Variants in PINX1 observed in about 807,000 individuals in gnomAD.
The protein encoded by PINX1 is PIN2 (TERF1) interacting telomerase inhibitor 1, also known as PIN2/TERF1-interacting telomerase inhibitor 1.
In PINX1, 34 loss-of-function variants were observed where a neutral mutation model predicts 25.4. That is an observed-to-expected ratio of 1.34 (90% CI 1.02 to 1.78). The LOEUF is 1.78. PINX1 is among the 40% of genes most tolerant of loss of function. PINX1 has a pLI of 0.00. For missense variants in PINX1, 592 were observed against 404.9 expected (o/e 1.46, Z -3.97); for synonymous variants, 197 against 147.7 (o/e 1.33, Z -2.42).
At chr8:10,766,810 A>G (rs1288309234) in intron 6 of PINX1, among the ~76,000 whole-genome samples, 1 of 152,242 alleles carries the variant, frequency 6.6e-6, no homozygotes, top group Non-Finnish European at 1.5e-5. Context: ...TTTGCTGTAA[A>G]GCTTGAGAAG....
chr8:10,835,600 G>A (rs747042052), intron 1 of PINX1, among the ~76,000 whole-genome samples: 1 of 152,026 alleles, frequency 6.6e-6, no homozygotes, highest in Non-Finnish European at 1.5e-5. Context: ...ACTGTATTAG[G>A]GCTATTTATA....
At chr8:10,830,214 T>C (rs1798186387) in intron 4 of PINX1, among the ~76,000 whole-genome samples, 1 of 152,224 alleles carries the variant, frequency 6.6e-6, no homozygotes, top group Non-Finnish European at 1.5e-5. Context: ...TATTTCAAAA[T>C]CATGATCCTA....
intron 4 of PINX1, among the ~76,000 whole-genome samples, chr8:10,827,167 G>A (rs1798078739): frequency 6.6e-6 from 1 of 152,174 alleles, no homozygotes; most frequent in Non-Finnish European, 1.5e-5. Flanking sequence ...CTACAAGCCT[G>A]TAATTATTTC....
At chr8:10,824,363 C>T (rs1445521422) in intron 5 of PINX1, among the ~76,000 whole-genome samples, 1 of 152,184 alleles carries the variant, frequency 6.6e-6, no homozygotes, top group Non-Finnish European at 1.5e-5. Context: ...TGGACTTTTG[C>T]TTCCTTCTCC....
intron 1 of PINX1, 62 bp from the exon 2 acceptor site, chr8:10,834,837 C>T: frequency 2.7e-6 from 3 of 1,098,598 alleles, no homozygotes; most frequent in East Asian, 2.4e-5. Context: ...ACCACACAAA[C>T]ATACACATGC....
intron 6 of PINX1, among the ~76,000 whole-genome samples, chr8:10,808,154 A>T (rs1802514884): frequency 6.6e-6 from 1 of 152,256 alleles, no homozygotes; most frequent in African/African-American, 2.4e-5. Context: ...TAAACCCCAA[A>T]TAACAAATTC....
intron 5 of PINX1, among the ~76,000 whole-genome samples, chr8:10,823,803 G>C (rs1797949903): frequency 6.6e-6 from 1 of 152,122 alleles, no homozygotes; most frequent in South Asian, 2.1e-4. Context: ...GCTCCAGCCT[G>C]GGCAACAGAG....
intron 4 of PINX1, among the ~76,000 whole-genome samples, chr8:10,827,650 T>C (rs1198654134): frequency 1.3e-5 from 2 of 151,804 alleles, no homozygotes; most frequent in Non-Finnish European, 2.9e-5. Flanking sequence ...CTCATGCCTG[T>C]AATCCCAGCA....
intron 6 of PINX1, among the ~76,000 whole-genome samples, chr8:10,796,651 A>G (rs10113332): frequency 0.23 from 34,676 of 151,762 alleles, 4,130 homozygotes; most frequent in East Asian, 0.35. Flanking sequence ...ATAAGAATCC[A>G]TTACTCTGCC....
chr8:10,820,984 C>A (rs895670983), intron 5 of PINX1, among the ~76,000 whole-genome samples: 2 of 152,236 alleles, frequency 1.3e-5, no homozygotes, highest in African/African-American at 4.8e-5. Flanking sequence ...CCCAAACCAA[C>A]TAATTTAAAA....
At chr8:10,766,909 G>A (rs1218865400) in intron 6 of PINX1, among the ~76,000 whole-genome samples, 1 of 152,204 alleles carries the variant, frequency 6.6e-6, no homozygotes. Context: ...AAGGTGAGGA[G>A]GAGTGCCTGT....
At position 10,765,429 on chromosome 8, in the gene PINX1, T is replaced by A. The variant is rs781253794; in HGVS notation, c.959A>T (p.Lys320Ile). Residue 320 changes from lysine to isoleucine, a missense_variant, in exon 7 of 7, where the codon AAA (lysine) becomes ATA (isoleucine). Physicochemically the swap from Lys to Ile is moderately radical, Grantham distance 102. Coordinates refer to ENST00000314787, the MANE Select transcript of PINX1 (RefSeq NM_017884.6). The part of the protein sequence containing the change: ...EDATLEETLV[K>I]KKKKKDSK ...TTTGGAATCTTTCTTCTTCTTCTTT[T>A]TCACTAGCGTTTCTTCTAGTGTAGC... The A allele has an allele frequency of 1.2e-6, 2 of 1,605,406 alleles. No individual in the cohort carries two copies. The highest frequency in any genetic ancestry group is 2.7e-5 in the African/African-American group (2 of 74,368).
intron 2 of PINX1, chr8:10,833,696 T>C (rs1198277392): frequency 1.1e-5 from 1 of 87,812 alleles, no homozygotes; most frequent in Non-Finnish European, 2.0e-5. Flanking sequence ...TGCGGGAGGC[T>C]GGAGAAGAAT....
At chr8:10,809,826 G>A (rs371779301) in intron 6 of PINX1, among the ~76,000 whole-genome samples, 2 of 152,216 alleles carry the variant, frequency 1.3e-5, no homozygotes, top group East Asian at 3.8e-4. Flanking sequence ...ATGAATCTTC[G>A]AAGTTGTGTT....
chr8:10,776,701 G>C (rs1443854905), intron 6 of PINX1, among the ~76,000 whole-genome samples: 1 of 152,086 alleles, frequency 6.6e-6, no homozygotes, highest in South Asian at 2.1e-4. Flanking sequence ...TGCGTCGTAA[G>C]GTCAGGAAGG....
intron 6 of PINX1, among the ~76,000 whole-genome samples, chr8:10,770,532 ACT>A (rs1586128755): frequency 6.6e-6 from 1 of 152,240 alleles, no homozygotes; most frequent in South Asian, 2.1e-4. Context: ...CCATCTGGAG[ACT>A]CTGCAGCTAC....
chr8:10,771,440 T>G (rs568194797), intron 6 of PINX1: 1 of 152,384 alleles, frequency 6.6e-6, no homozygotes, highest in Non-Finnish European at 1.5e-5. Flanking sequence ...CCTTTCTTGT[T>G]TATTCCCCAT....
chr8:10,803,688 T>C (rs1448597333), intron 6 of PINX1, among the ~76,000 whole-genome samples: 1 of 152,256 alleles, frequency 6.6e-6, no homozygotes, highest in African/African-American at 2.4e-5. Context: ...TTCAGATTTA[T>C]ACTGCATTAT....
intron 6 of PINX1, among the ~76,000 whole-genome samples, chr8:10,789,552 A>G (rs1009207046): frequency 6.6e-6 from 1 of 152,164 alleles, no homozygotes; most frequent in Admixed American, 6.5e-5. Context: ...CTCTGTCCAG[A>G]GGGGAGCTCC....
Sources: allele counts gnomAD v4.1 joint callset (sites outside exome capture counted in the v4.1 genomes callset), GRCh38; gene constraint gnomAD v4.1.1; transcripts MANE v1.5; gene names NCBI Gene and HGNC (gene_info 2026-07-23, HGNC 2026-07-21).